NEDD4L: variants seen among roughly 807,000 people sequenced by gnomAD.
The protein encoded by NEDD4L is NEDD4 like E3 ubiquitin protein ligase, also known as E3 ubiquitin-protein ligase NEDD4-like.
Under a neutral mutation model 148.9 loss-of-function variants are expected in NEDD4L, and 54 were observed. The ratio of observed to expected loss-of-function variants is 0.36; its 90% CI spans 0.29 to 0.45. NEDD4L has a LOEUF of 0.45. Ranked by LOEUF, NEDD4L falls within the 20% of genes least tolerant of loss-of-function variation. The probability of loss-of-function intolerance (pLI) is 1.00; values close to 1 mark genes in which losing one functional copy is unlikely to be tolerated. For synonymous variants in NEDD4L, 433 were observed against 440.7 expected (o/e 0.98, Z 0.22); for missense variants, 856 against 1,233.8 (o/e 0.69, Z 4.59).
At chr18:58,101,175 G>A (rs2084731525) in intron 1 of NEDD4L, among the ~76,000 whole-genome samples, 1 of 152,188 alleles carries the variant, frequency 6.6e-6, no homozygotes, top group Admixed American at 6.5e-5. Flanking sequence ...AGCAGGGAAT[G>A]GATGTCTTTT....
chr18:58,101,133 A>T (rs1301782811), intron 1 of NEDD4L, among the ~76,000 whole-genome samples: 3 of 152,216 alleles, frequency 2.0e-5, no homozygotes, highest in Non-Finnish European at 4.4e-5. Flanking sequence ...ATTATGGGTT[A>T]TGGAAGTTTA....
chr18:58,163,591 A>G (rs1463357566), intron 1 of NEDD4L, among the ~76,000 whole-genome samples: 1 of 152,244 alleles, frequency 6.6e-6, no homozygotes, highest in Non-Finnish European at 1.5e-5. Flanking sequence ...TGGCAAACAC[A>G]TTCAGTCCTG....
chr18:58,184,516 A>G (rs2039225020), intron 2 of NEDD4L, among the ~76,000 whole-genome samples: 1 of 151,990 alleles, frequency 6.6e-6, no homozygotes, highest in Non-Finnish European at 1.5e-5. Flanking sequence ...CCATCCCTGG[A>G]GTGGTGGCTT....
intron 1 of NEDD4L, among the ~76,000 whole-genome samples, chr18:58,065,249 C>T (rs540685965): frequency 5.6e-4 from 86 of 152,304 alleles, no homozygotes; most frequent in African/African-American, 1.9e-3. Flanking sequence ...TCTTTAGCAA[C>T]GTTTTTTTCA....
At chr18:58,078,469 G>A (rs987111691) in intron 1 of NEDD4L, among the ~76,000 whole-genome samples, 1 of 152,156 alleles carries the variant, frequency 6.6e-6, no homozygotes, top group African/African-American at 2.4e-5. Flanking sequence ...GCTGGGTGAG[G>A]GGGGACCGCT....
chr18:58,344,249 C>T (rs2145301570), intron 16 of NEDD4L, among the ~76,000 whole-genome samples: 1 of 152,260 alleles, frequency 6.6e-6, no homozygotes, highest in African/African-American at 2.4e-5. Context: ...TATGCCTTGC[C>T]CATTGTGTGG....
At chr18:58,290,034 T>G (rs1157249938) in intron 5 of NEDD4L, among the ~76,000 whole-genome samples, 1 of 152,210 alleles carries the variant, frequency 6.6e-6, no homozygotes, top group Non-Finnish European at 1.5e-5. Flanking sequence ...TTTGTATGAT[T>G]AAAACAAAAT....
intron 1 of NEDD4L, among the ~76,000 whole-genome samples, chr18:58,082,906 T>C (rs900515739): frequency 6.6e-6 from 1 of 152,202 alleles, no homozygotes; most frequent in African/African-American, 2.4e-5. Flanking sequence ...GTTTCTAATA[T>C]TTCTGTATTA....
chr18:58,213,536 C>T (rs2042819144), intron 2 of NEDD4L, among the ~76,000 whole-genome samples: 1 of 152,080 alleles, frequency 6.6e-6, no homozygotes, highest in South Asian at 2.1e-4. Context: ...GTGTGGAGAA[C>T]AAGATGAAAA....
chr18:58,306,121 C>T (rs2057028768), intron 5 of NEDD4L, among the ~76,000 whole-genome samples: 1 of 152,148 alleles, frequency 6.6e-6, no homozygotes, highest in Admixed American at 6.5e-5. Context: ...AAGGCAAGCA[C>T]TGTTCTCATG....
At chr18:58,115,969 A>C (rs902640072) in intron 1 of NEDD4L, among the ~76,000 whole-genome samples, 2 of 152,186 alleles carry the variant, frequency 1.3e-5, no homozygotes, top group Non-Finnish European at 2.9e-5. Flanking sequence ...TTATTGGAGG[A>C]GCAAGGCGTG....
At chr18:58,290,970 G>A (rs528235644) in intron 5 of NEDD4L, among the ~76,000 whole-genome samples, 1 of 152,256 alleles carries the variant, frequency 6.6e-6, no homozygotes, top group East Asian at 1.9e-4. Flanking sequence ...AGGTTGGCAG[G>A]CATTCGGATC....
In NEDD4L at chr18:58,322,417, C is replaced by T; in HGVS notation, c.349-8C>T. The T allele has an allele frequency of 6.3e-7, 1 of 1,595,258 alleles. No homozygotes were observed. Among genetic ancestry groups the T allele is most frequent in the African/African-American group, 1.3e-5 (1 of 74,722 alleles). On this transcript the variant is annotated splice_polypyrimidine_tract_variant and splice_region_variant and intron_variant, in intron 6 of 30. Coordinates refer to ENST00000400345, the MANE Select transcript of NEDD4L (RefSeq NM_001144967.3). The stretch of plus-strand genomic sequence containing the variant: ...ATTAAAATTTAATTTACTGTTTTTT[C>T]CCCACAGACAGAAGATCCAACCATG...
chr18:58,367,803 G>A lies in NEDD4L; in HGVS notation c.2121G>A (p.Leu707=). 1 of 1,613,738 alleles carries A rather than the reference G, an allele frequency of 6.2e-7. No individual in the cohort carries two copies. The highest frequency in any genetic ancestry group is 1.1e-5 in the South Asian group (1 of 91,062). ...CAGGCCTCTGTAATGAGGATCATTT[G>A]TCCTACTTCACTTTTATTGGAAGAG... ...PNSGLCNEDH[L]SYFTFIGRVA... The change falls in exon 22 of 31, where the codon TTG becomes TTA. Residue 707 remains leucine, a synonymous_variant. Transcript: ENST00000400345.
chr18:58,097,506 C>T (rs2060978305), intron 1 of NEDD4L, among the ~76,000 whole-genome samples: 1 of 152,224 alleles, frequency 6.6e-6, no homozygotes, highest in Admixed American at 6.5e-5. Context: ...GTTGCATTCT[C>T]AACTAATTAT....
At chr18:58,322,507 T>A (rs1223079728) in intron 7 of NEDD4L, 21 bp downstream of exon 7, 2 of 547,394 alleles carry the variant, frequency 3.7e-6, no homozygotes. Flanking sequence ...TGGGTATGGG[T>A]GGGTGGGGAT....
intron 2 of NEDD4L, among the ~76,000 whole-genome samples, chr18:58,186,781 G>C (rs2039529822): frequency 6.6e-6 from 1 of 152,212 alleles, no homozygotes; most frequent in East Asian, 1.9e-4. Flanking sequence ...CATGCTCACT[G>C]CACGCCAGTC....
intron 1 of NEDD4L, among the ~76,000 whole-genome samples, chr18:58,073,942 G>C (rs2083025516): frequency 6.6e-6 from 1 of 152,196 alleles, no homozygotes; most frequent in Non-Finnish European, 1.5e-5. Context: ...GGTGCATTAA[G>C]CTGAAATATC....
intron 2 of NEDD4L, among the ~76,000 whole-genome samples, chr18:58,167,477 T>A (rs1252736217): frequency 6.6e-6 from 1 of 152,204 alleles, no homozygotes; most frequent in African/African-American, 2.4e-5. Flanking sequence ...ATGAAGCCTG[T>A]CAAGAAAATT....
Sources: allele counts gnomAD v4.1 joint callset (sites outside exome capture counted in the v4.1 genomes callset), GRCh38; gene constraint gnomAD v4.1.1; transcripts MANE v1.5; gene names NCBI Gene and HGNC (gene_info 2026-07-23, HGNC 2026-07-21).